LINGO2: variants seen among roughly 807,000 people sequenced by gnomAD.
LINGO2 encodes leucine-rich repeat and immunoglobulin-like domain-containing nogo receptor-interacting protein 2.
A neutral mutation model predicts 30.6 loss-of-function variants in LINGO2; 14 were observed. The observed-to-expected ratio is 0.46, with a 90% CI of 0.30 to 0.72. The LOEUF is 0.72. Ranked by LOEUF, LINGO2 falls within the 30% of genes least tolerant of loss-of-function variation. The probability of loss-of-function intolerance (pLI) is 0.07; values close to 1 mark genes in which losing one functional copy is unlikely to be tolerated. For synonymous variants in LINGO2, 317 were observed against 288.5 expected (o/e 1.10, Z -1.00); for missense variants, 729 against 751.7 (o/e 0.97, Z 0.35).
At chr9:28,003,232 CTTGAT>C (rs1472075028) in intron 5 of LINGO2, among the ~76,000 whole-genome samples, 1 of 151,940 alleles carries the variant, frequency 6.6e-6, no homozygotes, top group Non-Finnish European at 1.5e-5. Context: ...ACATTTATTC[CTTGAT>C]TTAATTCACT....
intron 4 of LINGO2, among the ~76,000 whole-genome samples, chr9:28,036,118 G>A (rs1823922938): frequency 6.6e-6 from 1 of 152,094 alleles, no homozygotes; most frequent in Non-Finnish European, 1.5e-5. Flanking sequence ...GTTTTCTACT[G>A]GTGAGGCAGT....
chr9:28,859,387 G>A, the LINGO2 span, among the ~76,000 whole-genome samples: 10 of 151,954 alleles, frequency 6.6e-5, no homozygotes, highest in Admixed American at 3.9e-4. Context: ...TAATTAGTAC[G>A]CAGCTAATAT....
chr9:29,159,572 G>C, the LINGO2 span, among the ~76,000 whole-genome samples: 2 of 152,042 alleles, frequency 1.3e-5, no homozygotes, highest in Non-Finnish European at 2.9e-5. Context: ...AGAGTACTTT[G>C]TGGGCCAGGT....
At chr9:28,863,603 T>C in the LINGO2 span, 2 of 529,150 alleles carry the variant, frequency 3.8e-6, no homozygotes, top group South Asian at 1.4e-5. Flanking sequence ...CTTCATGGTG[T>C]AGATCAACTG....
At chr9:28,269,508 T>C (rs1212105461) in intron 4 of LINGO2, among the ~76,000 whole-genome samples, 1 of 152,114 alleles carries the variant, frequency 6.6e-6, no homozygotes, top group Non-Finnish European at 1.5e-5. Flanking sequence ...TGAGGACACT[T>C]TCTTCTTTCA....
intron 2 of LINGO2, among the ~76,000 whole-genome samples, chr9:28,400,031 T>C (rs1408472774): frequency 1.3e-5 from 2 of 152,152 alleles, no homozygotes; most frequent in Non-Finnish European, 2.9e-5. Context: ...CATTATTTTG[T>C]TGGAAGCAAA....
the LINGO2 span, among the ~76,000 whole-genome samples, chr9:29,004,276 T>C: frequency 5.3e-5 from 8 of 151,988 alleles, no homozygotes; most frequent in South Asian, 1.2e-3. Flanking sequence ...AAAATACTTT[T>C]AGCTAAAAAA....
At chr9:28,786,522 AG>A in the LINGO2 span, among the ~76,000 whole-genome samples, 2 of 152,344 alleles carry the variant, frequency 1.3e-5, no homozygotes, top group Admixed American at 1.3e-4. Context: ...AAATTAAAAA[AG>A]GAAAAGCATC....
the LINGO2 span, among the ~76,000 whole-genome samples, chr9:28,751,816 G>C: frequency 6.6e-6 from 1 of 151,768 alleles, no homozygotes; most frequent in African/African-American, 2.4e-5. Flanking sequence ...GGCTCCACCT[G>C]GCCATCACAT....
chr9:28,621,836 TTC>T, intron 1 of LINGO2, among the ~76,000 whole-genome samples: 1 of 152,144 alleles, frequency 6.6e-6, no homozygotes, highest in East Asian at 1.9e-4. Context: ...TGTCACAGCA[TTC>T]TGTCTAAAAA....
At chr9:28,379,211 C>T (rs1453426302) in intron 2 of LINGO2, among the ~76,000 whole-genome samples, 3 of 151,952 alleles carry the variant, frequency 2.0e-5, no homozygotes, top group Non-Finnish European at 4.4e-5. Flanking sequence ...AGCATGAAGC[C>T]ATAAAATGTT....
chr9:28,433,386 T>C (rs575806605), intron 2 of LINGO2, among the ~76,000 whole-genome samples: 1 of 152,160 alleles, frequency 6.6e-6, no homozygotes, highest in South Asian at 2.1e-4. Flanking sequence ...AGATGCAACA[T>C]ATCAGGCATC....
chr9:29,062,163 T>G, the LINGO2 span, among the ~76,000 whole-genome samples: 1 of 151,958 alleles, frequency 6.6e-6, no homozygotes, highest in African/African-American at 2.4e-5. Context: ...ACAGTATATT[T>G]TAATACAGAA....
rs16912932 is a variant in LINGO2 at position 28,417,965 on chromosome 9, G to C, written c.-278-45097C>G. On this transcript the variant is annotated intron_variant, in intron 2 of 5. Coordinates refer to ENST00000379992, the Ensembl canonical transcript of LINGO2. ...GAAAACTCTAATCATTAACTCCTTG[G>C]GTGGTAAGAAAGGGGACTGAACTAT... Among the ~76,000 whole-genome samples, 958 of 152,166 alleles carry C rather than the reference G, an allele frequency of 6.3e-3. 16 individuals carry two copies. Among genetic ancestry groups the C allele is most frequent in the African/African-American group, 0.021 (888 of 41,504 alleles).
chr9:28,364,643 A>G (rs1338285357), intron 3 of LINGO2, among the ~76,000 whole-genome samples: 1 of 152,254 alleles, frequency 6.6e-6, no homozygotes, highest in Non-Finnish European at 1.5e-5. Context: ...CCCCAAAGAT[A>G]TAAACTTAGA....
At chr9:28,930,645 C>T in the LINGO2 span, among the ~76,000 whole-genome samples, 9 of 152,010 alleles carry the variant, frequency 5.9e-5, no homozygotes, top group Non-Finnish European at 1.2e-4. This position sits in a 1 kb window ranked among gnomAD's most constrained non-coding sequence, Gnocchi z 4.2. Flanking sequence ...TAACATGATG[C>T]TATTACATAG....
the LINGO2 span, among the ~76,000 whole-genome samples, chr9:29,111,588 T>C: frequency 8.6e-5 from 13 of 151,954 alleles, no homozygotes; most frequent in Non-Finnish European, 1.8e-4. Flanking sequence ...ACAACCTATA[T>C]ATACTTAATT....
intron 2 of LINGO2, among the ~76,000 whole-genome samples, chr9:28,407,090 T>G (rs1451500933): frequency 6.6e-6 from 1 of 152,100 alleles, no homozygotes; most frequent in African/African-American, 2.4e-5. Flanking sequence ...TCCCTATATA[T>G]AGAGATGCAT....
chr9:29,170,453 G>C, the LINGO2 span, among the ~76,000 whole-genome samples: 3 of 152,066 alleles, frequency 2.0e-5, no homozygotes, highest in East Asian at 5.8e-4. Flanking sequence ...TAAAAGGTGG[G>C]AAGGGAAGAA....
Sources: allele counts gnomAD v4.1 joint callset (sites outside exome capture counted in the v4.1 genomes callset), GRCh38; gene constraint gnomAD v4.1.1; non-coding constraint Gnocchi (gnomAD v3.1); transcripts MANE v1.5; gene names NCBI Gene and HGNC (gene_info 2026-07-23, HGNC 2026-07-21).